Variants in KPNA7 observed in about 807,000 individuals in gnomAD.
KPNA7 encodes the protein importin subunit alpha-8.
KPNA7 carries 54 observed loss-of-function variants against 53.7 expected under a neutral mutation model. That is an observed-to-expected ratio of 1.01 (90% CI 0.81 to 1.26). KPNA7 has a LOEUF of 1.26. Among genes scored for constraint, KPNA7 ranks in the 50% most tolerant of loss-of-function variants. The pLI is 0.00. For missense variants in KPNA7, 640 were observed against 644.5 expected (o/e 0.99, Z 0.07); for synonymous variants, 276 against 259.3 (o/e 1.06, Z -0.62).
chr7:99,173,694 G>A lies in KPNA7; in HGVS notation c.*14C>T. ...TTAGCACTGGGTTGTTGGTTTAGGA[G>A]GTAGGGAGCTTGGCTATTTTTTTGC... On this transcript the variant is annotated 3_prime_UTR_variant, in exon 11 of 11. Coordinates refer to ENST00000327442, the MANE Select transcript of KPNA7 (RefSeq NM_001145715.3). 1.3e-6 allele frequency: 2 copies of A among 1,522,528 alleles called. No individual in the cohort carries two copies. Among genetic ancestry groups the A allele is most frequent in the South Asian group, 1.2e-5 (1 of 83,156 alleles). The allele number at this position is 1,522,528 out of a possible 1,614,324, so 94.3% of individuals were successfully genotyped here.
At chr7:99,177,042 C>T (rs965678910) in intron 10 of KPNA7, among the ~76,000 whole-genome samples, 1 of 152,112 alleles carries the variant, frequency 6.6e-6, no homozygotes, top group African/African-American at 2.4e-5. Flanking sequence ...GAGTGTTAGC[C>T]TTAAAAAGGA....
intron 2 of KPNA7, among the ~76,000 whole-genome samples, chr7:99,205,429 A>AAC (rs1563088858): frequency 9.3e-6 from 1 of 108,016 alleles, no homozygotes; most frequent in African/African-American, 2.7e-5. Flanking sequence ...AAAAAAAAAA[A>AAC]AAAAAAGTGA....
intron 7 of KPNA7, among the ~76,000 whole-genome samples, chr7:99,185,773 A>G (rs574284699): frequency 1.3e-5 from 2 of 151,448 alleles, no homozygotes; most frequent in Admixed American, 1.3e-4. Flanking sequence ...ATCAAATGCT[A>G]AATTGACGAT....
chr7:99,194,985 G>A (rs371451772), intron 5 of KPNA7, 85 bp downstream of exon 5: 34 of 1,413,084 alleles, frequency 2.4e-5, no homozygotes, highest in East Asian at 5.0e-5. Flanking sequence ...CTGGGACATC[G>A]AGTATACCCC....
chr7:99,182,455 C>T, intron 8 of KPNA7, among the ~76,000 whole-genome samples: 1 of 152,200 alleles, frequency 6.6e-6, no homozygotes, highest in East Asian at 1.9e-4. Context: ...CTCGCTCAGC[C>T]TCCCAAAGTT....
chr7:99,177,156 A>AG (rs1238245373), intron 10 of KPNA7, among the ~76,000 whole-genome samples: 25 of 152,322 alleles, frequency 1.6e-4, no homozygotes, highest in African/African-American at 6.0e-4. Context: ...TCCACTCATG[A>AG]GGTCCCTAGA....
At chr7:99,184,785 TCAGGCAAA>T in intron 8 of KPNA7, 136 bp downstream of exon 8, 1 of 703,504 alleles carries the variant, frequency 1.4e-6, no homozygotes, top group East Asian at 2.7e-5. Flanking sequence ...TTCCTTTTTT[TCAGGCAAA>T]GCTAGGACTC....
chr7:99,195,049 C>T (rs1246233233), intron 5 of KPNA7, 21 bp downstream of exon 5: 2 of 1,548,504 alleles, frequency 1.3e-6, no homozygotes, highest in Non-Finnish European at 8.7e-7. Flanking sequence ...TTTTCTTAGC[C>T]CACTAAGGGG....
rs182781197 is a variant in KPNA7, at chr7:99,200,701, C to A, written c.201+2405G>T. Reference sequence around the variant, plus strand: ...CAATTAATAAATAAACAAGGCCAGACACGGTGGCTCACACCTGTAATCCCA... The same window carrying A: ...CAATTAATAAATAAACAAGGCCAGAAACGGTGGCTCACACCTGTAATCCCA... On this transcript the variant is annotated intron_variant, in intron 3 of 10. Coordinates refer to ENST00000327442, the MANE Select transcript of KPNA7 (RefSeq NM_001145715.3). 3.9e-5 allele frequency among the ~76,000 whole-genome samples: 6 copies of A among 152,274 alleles called. No individual in the cohort carries two copies. In the East Asian group the frequency reaches 9.7e-4, roughly 25 times the overall value.
At chr7:99,211,455 TAAG>T (rs1791069884), upstream of KPNA7, among the ~76,000 whole-genome samples, 3 of 152,180 alleles carry the variant, frequency 2.0e-5, no homozygotes, top group South Asian at 4.1e-4. Context: ...ACTGATGTTG[TAAG>T]AAGAGAGACA....
chr7:99,181,544 A>T (rs1003578096), intron 9 of KPNA7, among the ~76,000 whole-genome samples: 1 of 152,172 alleles, frequency 6.6e-6, no homozygotes, highest in Non-Finnish European at 1.5e-5. Context: ...GAAGAGAAAT[A>T]ATCCAACTTG....
At chr7:99,202,680 A>G (rs2150767933) in intron 3 of KPNA7, among the ~76,000 whole-genome samples, 1 of 152,040 alleles carries the variant, frequency 6.6e-6, no homozygotes, top group Middle Eastern at 3.4e-3. Context: ...TCCTGTCTCT[A>G]TAAAAAAATA....
chr7:99,193,119 T>A lies in KPNA7; in HGVS notation c.554-18A>T, dbSNP rs1790046860. ...GCCATCACCTACAAATAGAGCAGAA[T>A]GTGACATTTAGAGAGAGAACAAAGA... On this transcript the variant is annotated intron_variant, in intron 5 of 10. Coordinates refer to ENST00000327442, the MANE Select transcript of KPNA7 (RefSeq NM_001145715.3). 1 of 1,421,872 alleles carries A rather than the reference T, an allele frequency of 7.0e-7. No individual in the cohort carries two copies. Among genetic ancestry groups the A allele is most frequent in the Non-Finnish European group, 9.3e-7 (1 of 1,074,942 alleles). The allele number at this position is 1,421,872 out of a possible 1,614,324, so 88.1% of individuals were successfully genotyped here.
chr7:99,191,761 T>C (rs1327938818), intron 6 of KPNA7, among the ~76,000 whole-genome samples: 1 of 152,098 alleles, frequency 6.6e-6, no homozygotes, highest in Non-Finnish European at 1.5e-5. Context: ...TCAATTCTCC[T>C]GCCTCAGCCT....
chr7:99,200,773 C>T (rs1381385828), intron 3 of KPNA7, among the ~76,000 whole-genome samples: 3 of 152,040 alleles, frequency 2.0e-5, no homozygotes, highest in Admixed American at 6.6e-5. Flanking sequence ...GTCAGGAGTT[C>T]GAGACCAGCC....
intron 6 of KPNA7, among the ~76,000 whole-genome samples, chr7:99,190,795 G>A (rs1050837371): frequency 6.6e-6 from 1 of 151,800 alleles, no homozygotes; most frequent in South Asian, 2.1e-4. Context: ...CTACAGACAC[G>A]TGCCACCATG....
At position 99,190,869 on chromosome 7, in the gene KPNA7, C is replaced by G. The variant is rs140502685; in HGVS notation, c.636+2150G>C. Among the ~76,000 whole-genome samples the G allele has an allele frequency of 1.0e-3, 157 of 152,000 alleles. 1 individual carries two copies. The East Asian group carries it at 0.027, about 27-fold the overall frequency. ...CCAGGTCATGTTTGTGACCCCTGGC[C>G]CCAGCTGACCTTGCCTGGCTGGGTG... On this transcript the variant is annotated intron_variant, in intron 6 of 10. Transcript: ENST00000327442.
chr7:99,177,640 C>A (rs975253599), intron 10 of KPNA7, among the ~76,000 whole-genome samples: 2 of 149,080 alleles, frequency 1.3e-5, no homozygotes, highest in Admixed American at 6.7e-5. Flanking sequence ...ATACCTCTCC[C>A]AAAAAGGAGA....
chr7:99,179,276 G>A (rs531225169), intron 9 of KPNA7, among the ~76,000 whole-genome samples: 3 of 152,210 alleles, frequency 2.0e-5, no homozygotes, highest in African/African-American at 7.2e-5. Flanking sequence ...CCTTAGCTAA[G>A]CTGGACACAG....
Sources: gnomAD v4.1 joint callset for allele counts (sites outside exome capture counted in the v4.1 genomes callset) on GRCh38, gnomAD v4.1.1 for gene constraint, MANE v1.5 for transcripts, NCBI Gene and HGNC (gene_info 2026-07-23, HGNC 2026-07-21) for gene names.